Variants in TBL1Y observed in about 807,000 individuals in gnomAD.
The protein encoded by TBL1Y is transducin beta like 1 Y-linked.
A neutral mutation model predicts 12.0 loss-of-function variants in TBL1Y; 15 were observed. The observed-to-expected ratio is 1.25, with a 90% CI of 0.83 to 1.92. TBL1Y has a LOEUF of 1.92. Among genes scored for constraint, TBL1Y ranks in the 40% most tolerant of loss-of-function variants. The probability of loss-of-function intolerance (pLI) is 0.00; values close to 1 mark genes in which losing one functional copy is unlikely to be tolerated. For synonymous variants in TBL1Y, 53 were observed against 42.6 expected, an observed-to-expected ratio of 1.24 and a Z score of -0.95; for missense variants, 148 against 116.7, an observed-to-expected ratio of 1.27 and a Z score of -1.24.
chrY:7,018,901 G>A (rs748105069), intron 4 of TBL1Y, among the ~76,000 whole-genome samples: 21 of 33,308 alleles, frequency 6.3e-4, no homozygotes, highest in African/African-American at 2.2e-3. Flanking sequence ...AATGTACGTA[G>A]CACCACAAAC....
At chrY:7,042,637 C>T (rs2012729260) in intron 6 of TBL1Y, among the ~76,000 whole-genome samples, 3 of 32,651 alleles carry the variant, frequency 9.2e-5, no homozygotes, top group Non-Finnish European at 1.5e-4. Flanking sequence ...AGGTGATCCA[C>T]CTGCCTCGAT....
At chrY:6,969,433 T>C in intron 2 of TBL1Y, among the ~76,000 whole-genome samples, 1 of 33,652 alleles carries the variant, frequency 3.0e-5, no homozygotes. Flanking sequence ...TTCTATGATA[T>C]TGTCTTTCTG....
intron 8 of TBL1Y, 98 bp downstream of exon 8, chrY:7,064,247 G>T: frequency 7.6e-6 from 2 of 261,872 alleles, no homozygotes; most frequent in Non-Finnish European, 1.2e-5. Context: ...AAACCTACCT[G>T]ATATAAATGT....
chrY:6,934,725 G>A, intron 2 of TBL1Y, among the ~76,000 whole-genome samples: 3 of 33,577 alleles, frequency 8.9e-5, no homozygotes, highest in Non-Finnish European at 2.2e-4. Flanking sequence ...TTCTTTTTTG[G>A]TATATTATTC....
At chrY:7,073,007 A>G (rs1048696402) in intron 12 of TBL1Y, among the ~76,000 whole-genome samples, 3 of 34,355 alleles carry the variant, frequency 8.7e-5, no homozygotes, top group Non-Finnish European at 2.2e-4. Context: ...TTTTACATCA[A>G]TTTGTGTTTC....
At chrY:7,049,664 T>C (rs2012784496) in intron 7 of TBL1Y, among the ~76,000 whole-genome samples, 3 of 34,307 alleles carry the variant, frequency 8.7e-5, no homozygotes. Flanking sequence ...TGCGTAAATG[T>C]CTTTTGAAAA....
At chrY:6,948,192 G>A (rs2011996885) in intron 2 of TBL1Y, among the ~76,000 whole-genome samples, 1 of 32,694 alleles carries the variant, frequency 3.1e-5, no homozygotes, top group Non-Finnish European at 7.4e-5. Context: ...CTTCCAGCAA[G>A]TAAAAGTTTA....
In TBL1Y at chrY:7,063,967, T is replaced by C; in HGVS notation, c.275T>C (p.Val92Ala). The C allele has an allele frequency of 2.5e-6, 1 of 398,107 alleles. No homozygotes were observed. The highest frequency in any genetic ancestry group is 3.5e-6 in the Non-Finnish European group (1 of 283,345). The stretch of plus-strand genomic sequence containing the variant: ...ATAGTTGCTGTGATTCCTGATGTGG[T>C]GCAGATGCGGCAGCAGGCATTTGGA... ...SLIVAVIPDV[V>A]QMRQQAFGEK... The change falls in exon 8 of 19, where the codon GTG becomes GCG. Residue 92 changes from valine to alanine, a missense_variant. Val to Ala is a moderately conservative substitution (Grantham distance 64, BLOSUM62 0). Coordinates refer to ENST00000383032, the MANE Select transcript of TBL1Y (RefSeq NM_033284.2).
chrY:6,940,517 C>T, intron 2 of TBL1Y, among the ~76,000 whole-genome samples: 2 of 32,692 alleles, frequency 6.1e-5, no homozygotes, highest in Non-Finnish European at 1.5e-4. Context: ...TCTTGACTTA[C>T]CTCTGAGTGA....
chrY:7,028,648 C>T, intron 6 of TBL1Y, among the ~76,000 whole-genome samples: 2 of 33,961 alleles, frequency 5.9e-5, no homozygotes, highest in Non-Finnish European at 1.5e-4. Context: ...AAGTAGTAGA[C>T]GACTTATGCA....
In TBL1Y at chrY:7,085,908, A is replaced by G. The variant is rs760162963; in HGVS notation, c.1088A>G (p.Asn363Ser). ...KTFQGHTNEV[N>S]AIKWDPSGML... ...TCCGCTCTGTTTCAGAACGAGGTCAATGCCATCAAATGGGATCCTTCTGGA... is the reference window on the plus strand; with the variant it reads ...TCCGCTCTGTTTCAGAACGAGGTCAGTGCCATCAAATGGGATCCTTCTGGA... The change falls in exon 15 of 19, where the codon AAT (asparagine) becomes AGT (serine). Residue 363 changes from asparagine (N) to serine (S), a missense_variant. Coordinates refer to ENST00000383032, the MANE Select transcript of TBL1Y (RefSeq NM_033284.2). 5.0e-6 allele frequency: 2 copies of G among 397,613 alleles called. No homozygotes were observed. The highest frequency in any genetic ancestry group is 3.5e-6 in the Non-Finnish European group (1 of 283,174).
chrY:7,039,765 C>T, intron 6 of TBL1Y, among the ~76,000 whole-genome samples: 1 of 33,177 alleles, frequency 3.0e-5, no homozygotes, highest in Non-Finnish European at 7.4e-5. Flanking sequence ...GGGAATGGCT[C>T]CTGTCCCTTG....
chrY:6,957,334 A>G (rs746600793), intron 2 of TBL1Y, among the ~76,000 whole-genome samples: 1 of 34,101 alleles, frequency 2.9e-5, no homozygotes, highest in Non-Finnish European at 7.3e-5. Flanking sequence ...TCTCTCTGCT[A>G]TATCCCAAAG....
At chrY:6,921,386 G>A (rs2011776438) in intron 2 of TBL1Y, among the ~76,000 whole-genome samples, 1 of 33,342 alleles carries the variant, frequency 3.0e-5, no homozygotes, top group Non-Finnish European at 7.4e-5. Flanking sequence ...TGATCATATA[G>A]CCTCCACTGG....
intron 2 of TBL1Y, among the ~76,000 whole-genome samples, chrY:6,942,788 G>C: frequency 3.0e-5 from 1 of 33,041 alleles, no homozygotes; most frequent in African/African-American, 1.2e-4. Context: ...GTTGGGGAAA[G>C]ACTTTTTATA....
At chrY:7,016,670 C>T (rs2012552522) in intron 4 of TBL1Y, among the ~76,000 whole-genome samples, 1 of 33,176 alleles carries the variant, frequency 3.0e-5, no homozygotes, top group Admixed American at 2.7e-4. Context: ...GGTATGCAGT[C>T]ACTGCTGGCT....
intron 2 of TBL1Y, among the ~76,000 whole-genome samples, chrY:6,926,996 A>G (rs2011830767): frequency 3.1e-5 from 1 of 32,644 alleles, no homozygotes; most frequent in Non-Finnish European, 7.5e-5. Context: ...CAGCAGCACT[A>G]TCTAGACTCA....
chrY:6,975,973 C>A, intron 2 of TBL1Y, among the ~76,000 whole-genome samples: 1 of 31,856 alleles, frequency 3.1e-5, no homozygotes, highest in Non-Finnish European at 7.6e-5. Context: ...CAGTCTGTTG[C>A]CCAAGCTGGA....
intron 6 of TBL1Y, among the ~76,000 whole-genome samples, chrY:7,038,832 C>T: frequency 1.2e-4 from 4 of 33,410 alleles, no homozygotes; most frequent in Non-Finnish European, 2.9e-4. Context: ...ATTCTCCTGC[C>T]CCTTAACTAC....
Sources: allele counts gnomAD v4.1 joint callset (sites outside exome capture counted in the v4.1 genomes callset), GRCh38; gene constraint gnomAD v4.1.1; transcripts MANE v1.5; gene names NCBI Gene and HGNC (gene_info 2026-07-23, HGNC 2026-07-21).